RSRC1: variants seen among roughly 807,000 people sequenced by gnomAD.
RSRC1 encodes serine/Arginine-related protein 53.
RSRC1 carries 39 observed loss-of-function variants against 49.1 expected under a neutral mutation model. That is an observed-to-expected ratio of 0.79 (90% CI 0.61 to 1.04). RSRC1 has a LOEUF of 1.04. Among genes scored for constraint, RSRC1 ranks in the 50% least tolerant of loss-of-function variants. The pLI is 0.00. For synonymous variants in RSRC1, 143 were observed against 130.8 expected (o/e 1.09, Z -0.63); for missense variants, 388 against 402.4 (o/e 0.96, Z 0.31).
At chr3:158,327,305 T>G (rs533682981) in intron 5 of RSRC1, among the ~76,000 whole-genome samples, 7 of 152,334 alleles carry the variant, frequency 4.6e-5, no homozygotes, top group Non-Finnish European at 7.3e-5. Flanking sequence ...GCTTCTCTAG[T>G]TCTTTTAATT....
chr3:158,416,503 A>G (rs1260138842), intron 6 of RSRC1, among the ~76,000 whole-genome samples: 1 of 152,058 alleles, frequency 6.6e-6, no homozygotes, highest in South Asian at 2.1e-4. Flanking sequence ...ACCACATATA[A>G]GTGTTTTAGC....
At chr3:158,253,130 C>G (rs1431883956) in intron 4 of RSRC1, among the ~76,000 whole-genome samples, 3 of 151,406 alleles carry the variant, frequency 2.0e-5, no homozygotes. Context: ...TTGGTTTGGT[C>G]TTCTATTTTC....
intron 4 of RSRC1, among the ~76,000 whole-genome samples, chr3:158,274,492 CT>C (rs1311035368): frequency 1.3e-5 from 2 of 151,680 alleles, no homozygotes; most frequent in Non-Finnish European, 2.9e-5. Context: ...GTCTCAAGAA[CT>C]TTTATGAACT....
At chr3:158,110,710 C>T (rs1039905972) in intron 1 of RSRC1, 4 of 152,620 alleles carry the variant, frequency 2.6e-5, no homozygotes, top group Non-Finnish European at 4.4e-5. Context: ...CCTACCCTTT[C>T]TGGCTCACAC....
intron 6 of RSRC1, among the ~76,000 whole-genome samples, chr3:158,383,522 A>C (rs1344177866): frequency 6.6e-6 from 1 of 152,104 alleles, no homozygotes; most frequent in East Asian, 1.9e-4. Flanking sequence ...CTATCAAATC[A>C]TTATGGAGGG....
At chr3:158,361,035 CAG>C (rs1251769272) in intron 6 of RSRC1, among the ~76,000 whole-genome samples, 2 of 152,206 alleles carry the variant, frequency 1.3e-5, no homozygotes, top group African/African-American at 4.8e-5. Context: ...CCCTGGCTCT[CAG>C]GGGTGGCCCG....
intron 3 of RSRC1, among the ~76,000 whole-genome samples, chr3:158,146,166 T>C (rs1196541380): frequency 6.6e-6 from 1 of 152,204 alleles, no homozygotes; most frequent in Non-Finnish European, 1.5e-5. Context: ...CAACACTATG[T>C]TGAATAGGAG....
chr3:158,479,771 T>C (rs534348979), intron 7 of RSRC1, among the ~76,000 whole-genome samples: 1 of 152,194 alleles, frequency 6.6e-6, no homozygotes, highest in East Asian at 1.9e-4. Context: ...GTTTGTGATA[T>C]TGCCTGTAGG....
At chr3:158,409,286 T>C (rs937547009) in intron 6 of RSRC1, among the ~76,000 whole-genome samples, 28 of 152,148 alleles carry the variant, frequency 1.8e-4, no homozygotes, top group African/African-American at 6.5e-4. Flanking sequence ...AACTTAAAAG[T>C]TTAAAAAATG....
chr3:158,382,046 C>T (rs949548725), intron 6 of RSRC1, among the ~76,000 whole-genome samples: 5 of 152,094 alleles, frequency 3.3e-5, no homozygotes, highest in African/African-American at 1.2e-4. Flanking sequence ...GCTTACAACA[C>T]AAACACATTG....
chr3:158,383,200 C>T (rs1355714580), intron 6 of RSRC1, among the ~76,000 whole-genome samples: 1 of 152,100 alleles, frequency 6.6e-6, no homozygotes, highest in East Asian at 1.9e-4. Context: ...CCAAACTCTG[C>T]TTAATGCTTT....
chr3:158,241,222 T>C (rs766378878), intron 4 of RSRC1, among the ~76,000 whole-genome samples: 6 of 151,902 alleles, frequency 3.9e-5, no homozygotes, highest in Non-Finnish European at 8.8e-5. Flanking sequence ...CCAAGGTGGG[T>C]GGATCACTTG....
intron 5 of RSRC1, among the ~76,000 whole-genome samples, chr3:158,326,782 T>A (rs763458994): frequency 2.6e-5 from 4 of 152,228 alleles, no homozygotes; most frequent in Non-Finnish European, 4.4e-5. Context: ...TTCTATTGAT[T>A]GGAATAGTTT....
rs567585988 is a variant in RSRC1 at position 158,401,238 on chromosome 3, G to A, written c.583+46330G>A. Among the ~76,000 whole-genome samples, 18 of 151,976 alleles carry A rather than the reference G, an allele frequency of 1.2e-4. No individual in the cohort carries two copies. The South Asian group carries it at 3.5e-3, about 30-fold the overall frequency. Reference sequence around the variant, plus strand: ...TCATTAAGAGACACATGACTGTAACGGGCAGAGATGTCTGATGATTCTTTC... The same window carrying A: ...TCATTAAGAGACACATGACTGTAACAGGCAGAGATGTCTGATGATTCTTTC... On this transcript the variant is annotated intron_variant, in intron 6 of 9. Coordinates refer to ENST00000611884, the MANE Select transcript of RSRC1 (RefSeq NM_001271838.2).
intron 3 of RSRC1, among the ~76,000 whole-genome samples, chr3:158,182,086 A>G (rs1450650154): frequency 2.0e-5 from 3 of 152,102 alleles, no homozygotes; most frequent in Admixed American, 6.6e-5. Context: ...AGGTTGGGAG[A>G]GAGGGCAGGT....
intron 3 of RSRC1, among the ~76,000 whole-genome samples, chr3:158,152,669 G>A (rs552563451): frequency 6.6e-6 from 1 of 152,244 alleles, no homozygotes; most frequent in East Asian, 1.9e-4. Context: ...CGTGTCTGTT[G>A]CCTAAAGTGA....
intron 7 of RSRC1, among the ~76,000 whole-genome samples, chr3:158,525,098 A>G (rs1186597750): frequency 6.6e-6 from 1 of 151,986 alleles, no homozygotes; most frequent in Non-Finnish European, 1.5e-5. Flanking sequence ...AAAAAGTTTT[A>G]TTCTTTGAAA....
intron 5 of RSRC1, among the ~76,000 whole-genome samples, chr3:158,343,286 C>G (rs970132117): frequency 6.6e-6 from 1 of 151,970 alleles, no homozygotes; most frequent in South Asian, 2.1e-4. Context: ...AAGCAGGATG[C>G]GAAGGGATCA....
chr3:158,175,064 G>C (rs1719120759), intron 3 of RSRC1, among the ~76,000 whole-genome samples: 1 of 152,060 alleles, frequency 6.6e-6, no homozygotes, highest in Non-Finnish European at 1.5e-5. Context: ...TTCCCCTGGT[G>C]ATTAATGAAG....
Sources: allele counts gnomAD v4.1 joint callset (sites outside exome capture counted in the v4.1 genomes callset), GRCh38; gene constraint gnomAD v4.1.1; transcripts MANE v1.5; gene names NCBI Gene and HGNC (gene_info 2026-07-23, HGNC 2026-07-21).